The following SMC4 variants were observed in gnomAD, a reference collection of about 807,000 sequenced individuals.
SMC4 encodes the protein structural maintenance of chromosomes 4, also known as structural maintenance of chromosomes protein 4.
SMC4 carries 87 observed loss-of-function variants against 145.6 expected under a neutral mutation model. The ratio of observed to expected loss-of-function variants is 0.60; its 90% CI spans 0.50 to 0.71. The LOEUF (loss-of-function observed/expected upper bound fraction) is 0.71, where lower values mean the gene tolerates loss of function less well. Ranked by LOEUF, SMC4 falls within the 30% of genes least tolerant of loss-of-function variation. The pLI is 0.00. For synonymous variants in SMC4, 558 were observed against 500.7 expected (o/e 1.11, Z -1.53); for missense variants, 1,447 against 1,537.1 (o/e 0.94, Z 0.98).
Position 160,432,523 on chromosome 3 carries a change from A to G in SMC4, c.3530+8A>G, listed in dbSNP as rs748495892. ...TGAAGGAATCATGTTCAGGTGTGTAATTATGCTGAGTTTATAATCCCACTG... is the reference window on the plus strand; with the variant it reads ...TGAAGGAATCATGTTCAGGTGTGTAGTTATGCTGAGTTTATAATCCCACTG... On this transcript the variant is annotated splice_region_variant and intron_variant, in intron 22 of 23. Coordinates refer to ENST00000357388, the MANE Select transcript of SMC4 (RefSeq NM_001002800.3). The G allele has an allele frequency of 6.6e-7, 1 of 1,525,858 alleles. No individual in the cohort carries two copies. Among genetic ancestry groups the G allele is most frequent in the African/African-American group, 1.4e-5 (1 of 71,864 alleles). 94.5% of individuals were successfully genotyped at this position (1,525,858 alleles called of 1,614,324 possible). A position where few individuals can be genotyped will look rare whatever the true frequency, so the allele number is the denominator to read the frequency against.
intron 15 of SMC4, among the ~76,000 whole-genome samples, chr3:160,424,355 T>C (rs937035980): frequency 2.6e-5 from 4 of 152,346 alleles, no homozygotes; most frequent in African/African-American, 9.6e-5. Flanking sequence ...TCCTTCTGCT[T>C]AAGTATTTGA....
chr3:160,409,862 T>C (rs944267405), intron 5 of SMC4, among the ~76,000 whole-genome samples: 1 of 151,830 alleles, frequency 6.6e-6, no homozygotes, highest in African/African-American at 2.4e-5. Context: ...AGCCCAGGAG[T>C]TCGAGACCAG....
chr3:160,413,617 A>T lies in SMC4; in HGVS notation c.1121+4A>T, dbSNP rs1376821316. The T allele has an allele frequency of 1.5e-6, 2 of 1,343,854 alleles. No individual in the cohort carries two copies. Among genetic ancestry groups the T allele is most frequent in the Non-Finnish European group, 2.1e-6 (2 of 972,502 alleles). The allele number at this position is 1,343,854 out of a possible 1,614,324, so 83.2% of individuals were successfully genotyped here. On this transcript the variant is annotated splice_donor_region_variant and intron_variant, in intron 8 of 23. Coordinates refer to ENST00000357388, the MANE Select transcript of SMC4 (RefSeq NM_001002800.3). ...AAGATGTAAAAGATACAGAAAAGTA[A>T]TAATATTTTGGGAAGTACTAAAAGT...
intron 5 of SMC4, among the ~76,000 whole-genome samples, chr3:160,411,375 GAA>G (rs893593830): frequency 6.6e-6 from 1 of 152,034 alleles, no homozygotes; most frequent in Admixed American, 6.6e-5. Context: ...GACTACCTTT[GAA>G]ACCCATTACT....
chr3:160,426,218 CCTT>C lies in SMC4; in HGVS notation c.2605+19_2605+21del, dbSNP rs750316222. The C allele has an allele frequency of 1.7e-5, 26 of 1,565,680 alleles. No individual in the cohort carries two copies. The South Asian group carries it at 3.1e-4, about 19-fold the overall frequency. On this transcript the variant is annotated intron_variant, in intron 17 of 23. Transcript: ENST00000357388. ...CAAAACAGGTATGTTTAGAGATAGA[CCTT>C]TTTTGGGGGGAAAAAAAAAACAGGT...
intron 20 of SMC4, among the ~76,000 whole-genome samples, 170 bp downstream of exon 20, chr3:160,431,375 A>T (rs190620646): frequency 8.0e-4 from 122 of 152,294 alleles, no homozygotes; most frequent in African/African-American, 2.8e-3. Context: ...AACAATATAA[A>T]TTGTTATATA....
chr3:160,410,339 A>AC (rs1303561604), intron 5 of SMC4, among the ~76,000 whole-genome samples: 4 of 152,188 alleles, frequency 2.6e-5, no homozygotes, highest in Non-Finnish European at 5.9e-5. Flanking sequence ...CACTGTTGAT[A>AC]AACCCTACGT....
chr3:160,433,314 C>A, intron 23 of SMC4, 105 bp downstream of exon 23: 1 of 758,366 alleles, frequency 1.3e-6, no homozygotes, highest in Non-Finnish European at 2.1e-6. Flanking sequence ...TCTTTATTGT[C>A]TAATAACTCC....
chr3:160,401,804 T>C lies in SMC4; in HGVS notation c.140-111T>C, dbSNP rs1421070805. The C allele has an allele frequency of 9.1e-6, 7 of 771,274 alleles. No individual in the cohort carries two copies. In the East Asian group the frequency reaches 2.1e-4, roughly 23 times the overall value. The allele number at this position is 771,274 out of a possible 1,614,324, so 47.8% of individuals were successfully genotyped here. Reference sequence around the variant, plus strand: ...TCCTAAGTTTCATAAATAACATCCCTCCATCCCCTACTTTAAAGATGGGCA... The same window carrying C: ...TCCTAAGTTTCATAAATAACATCCCCCCATCCCCTACTTTAAAGATGGGCA... On this transcript the variant is annotated intron_variant, in intron 2 of 23. Transcript: ENST00000357388.
At chr3:160,418,959 G>A (rs1716877545) in intron 11 of SMC4, among the ~76,000 whole-genome samples, 1 of 152,066 alleles carries the variant, frequency 6.6e-6, no homozygotes, top group African/African-American at 2.4e-5. Flanking sequence ...ATAAAGCACA[G>A]CATAACCGTA....
rs767062372 is a variant in SMC4 at position 160,404,540 on chromosome 3, C to T, written c.687+36C>T. On this transcript the variant is annotated intron_variant, in intron 5 of 23. Transcript: ENST00000357388. ...TAAAGACTTCAAAGATTCTCTTATT[C>T]TTGTTACTTTTTTTTCTATAAAGCT... 31 of 1,595,414 alleles carry T rather than the reference C, an allele frequency of 1.9e-5. No homozygotes were observed. In the African/African-American group the frequency reaches 3.9e-4, roughly 20 times the overall value.
At position 160,433,678 on chromosome 3, in the gene SMC4, T is replaced by C; in HGVS notation, c.3736T>C (p.Phe1246Leu). ...YIYEQTKNAQ[F>L]IIISLRNNMF... ...TTAGGAACAAACAAAAAATGCACAGTTCATAATAATTTCTCTTCGAAATAA... is the reference window on the plus strand; with the variant it reads ...TTAGGAACAAACAAAAAATGCACAGCTCATAATAATTTCTCTTCGAAATAA... Residue 1246 changes from phenylalanine (F) to leucine (L), a missense_variant, in exon 24 of 24, where the codon TTC becomes CTC. Phe to Leu is a conservative substitution (Grantham distance 22, BLOSUM62 0). Transcript: ENST00000357388. 6.3e-7 allele frequency: 1 copy of C among 1,576,048 alleles called. No individual in the cohort carries two copies. The highest frequency in any genetic ancestry group is 8.6e-7 in the Non-Finnish European group (1 of 1,159,902).
At position 160,400,874 on chromosome 3, in the gene SMC4, A is replaced by G. The variant is rs1290836001; in HGVS notation, c.48A>G (p.Glu16=). 1 of 1,522,368 alleles carries G rather than the reference A, an allele frequency of 6.6e-7. No homozygotes were observed. Among genetic ancestry groups the G allele is most frequent in the East Asian group, 2.7e-5 (1 of 36,570 alleles). 94.3% of individuals were successfully genotyped at this position (1,522,368 alleles called of 1,614,324 possible). Residue 16 remains glutamate, a synonymous_variant, in exon 2 of 24, where the codon GAA becomes GAG. Coordinates refer to ENST00000357388, the MANE Select transcript of SMC4 (RefSeq NM_001002800.3). ...TQPSTARRRE[E]GPPPPSPDGA... is the part of the protein sequence containing the mutation. The stretch of plus-strand genomic sequence containing the variant: ...CCTCCACTGCCCGGCGCAGAGAGGA[A>G]GGGCCGCCGCCGCCGTCCCCTGACG...
At chr3:160,433,321 C>T in intron 23 of SMC4, 112 bp downstream of exon 23, 2 of 692,118 alleles carry the variant, frequency 2.9e-6, no homozygotes, top group South Asian at 2.2e-5. Flanking sequence ...TGTCTAATAA[C>T]TCCATCTCCA....
In SMC4 at chr3:160,400,884, C is replaced by T. The variant is rs760664370; in HGVS notation, c.58C>T (p.Pro20Ser). The change falls in exon 2 of 24, where the codon CCG becomes TCG. Residue 20 changes from proline to serine, a missense_variant. Coordinates refer to ENST00000357388, the MANE Select transcript of SMC4 (RefSeq NM_001002800.3). Reference protein sequence around the residue: ...TARRREEGPPPPSPDGASSDA... With the variant: ...TARRREEGPPSPSPDGASSDA... ...CCGGCGCAGAGAGGAAGGGCCGCCGCCGCCGTCCCCTGACGGCGCCAGCAG... is the reference window on the plus strand; with the variant it reads ...CCGGCGCAGAGAGGAAGGGCCGCCGTCGCCGTCCCCTGACGGCGCCAGCAG... 4.6e-6 allele frequency: 7 copies of T among 1,512,992 alleles called. No individual in the cohort carries two copies. In the South Asian group the frequency reaches 6.1e-5, roughly 13 times the overall value. The allele number at this position is 1,512,992 out of a possible 1,614,324, so 93.7% of individuals were successfully genotyped here. A position where few individuals can be genotyped will look rare whatever the true frequency, so the allele number is the denominator to read the frequency against.
chr3:160,430,961 T>G, intron 19 of SMC4, 71 bp from the exon 20 acceptor site: 4 of 1,454,464 alleles, frequency 2.8e-6, no homozygotes, highest in Non-Finnish European at 3.7e-6. Flanking sequence ...TGGTAATTCC[T>G]TCATCTCTGT....
In SMC4 at chr3:160,414,382, T is replaced by C; in HGVS notation, c.1137T>C (p.Ile379=). The C allele has an allele frequency of 1.3e-6, 2 of 1,599,464 alleles. No individual in the cohort carries two copies. The highest frequency in any genetic ancestry group is 1.7e-6 in the Non-Finnish European group (2 of 1,168,760). Residue 379 remains isoleucine, a synonymous_variant, in exon 9 of 24, where the codon ATT becomes ATC. Coordinates refer to ENST00000357388, the MANE Select transcript of SMC4 (RefSeq NM_001002800.3). The stretch of plus-strand genomic sequence containing the variant: ...GCTTTGCTAGGAAACTGAATAAAAT[T>C]ACAAAATTTATTGAGGAGAATAAAG... ...VKDTEKKLNK[I]TKFIEENKEK...
At chr3:160,399,891 C>T (rs1423989884) in intron 1 of SMC4, 142 bp downstream of exon 1, 4 of 152,202 alleles carry the variant, frequency 2.6e-5, no homozygotes, top group Non-Finnish European at 5.9e-5. Context: ...TTGCTGTCAC[C>T]CCTCCCCCCT....
chr3:160,423,463 T>A lies in SMC4; in HGVS notation c.2058T>A (p.Thr686=). The change falls in exon 14 of 24, where the codon ACT becomes ACA. Residue 686 remains threonine (T), a synonymous_variant. Transcript: ENST00000357388. ...VWAKKMTEIQ[T]PENTPRLFDL... is the part of the protein sequence containing the mutation. ...CGAAAAAGATGACCGAAATTCAAAC[T>A]CCTGAAAATACTCCTCGTTTATTTG... 6.2e-7 allele frequency: 1 copy of A among 1,607,410 alleles called. No individual in the cohort carries two copies. The highest frequency in any genetic ancestry group is 8.5e-7 in the Non-Finnish European group (1 of 1,175,616).
Sources: allele counts gnomAD v4.1 joint callset (sites outside exome capture counted in the v4.1 genomes callset), GRCh38; gene constraint gnomAD v4.1.1; transcripts MANE v1.5; gene names NCBI Gene and HGNC (gene_info 2026-07-23, HGNC 2026-07-21).